The following DNAJC21 variants were observed in gnomAD, a reference collection of about 807,000 sequenced individuals.
DNAJC21 encodes the protein DnaJ heat shock protein family (Hsp40) member C21.
DNAJC21 carries 63 observed loss-of-function variants against 72.4 expected under a neutral mutation model. That is an observed-to-expected ratio of 0.87 (90% CI 0.71 to 1.07). The LOEUF is 1.07. Ranked by LOEUF, DNAJC21 falls within the 50% of genes least tolerant of loss-of-function variation. The pLI is 0.00. For missense variants in DNAJC21, 634 were observed against 644.8 expected (o/e 0.98, Z 0.18); for synonymous variants, 203 against 216.7 (o/e 0.94, Z 0.56).
intron 10 of DNAJC21, 191 bp downstream of exon 10, chr5:34,950,533 G>A: frequency 8.0e-7 from 1 of 1,243,968 alleles, no homozygotes; most frequent in Non-Finnish European, 1.0e-6. Context: ...GATGCTAGAG[G>A]AATGTGCCCA....
intron 9 of DNAJC21, among the ~76,000 whole-genome samples, chr5:34,949,174 A>G (rs891489430): frequency 3.3e-5 from 5 of 152,188 alleles, no homozygotes; most frequent in African/African-American, 1.2e-4. Context: ...AAACTTAATA[A>G]TATCACTGAA....
At chr5:34,941,623 G>A (rs1181218673) in intron 7 of DNAJC21, among the ~76,000 whole-genome samples, 26 of 134,692 alleles carry the variant, frequency 1.9e-4, no homozygotes, top group Non-Finnish European at 3.4e-4. Context: ...CTGGAGTGCA[G>A]TGGCACGATC....
chr5:34,948,862 CAAAAA>C (rs755582753), intron 9 of DNAJC21, among the ~76,000 whole-genome samples: 4 of 136,756 alleles, frequency 2.9e-5, no homozygotes, highest in African/African-American at 1.1e-4. Flanking sequence ...AAGACTGTCT[CAAAAA>C]AAAAAAAGTT....
rs1301107029 is a variant in DNAJC21 at position 34,956,051 on chromosome 5, TC to T, written c.*1338del. The T allele has an allele frequency of 1.2e-4, 7 of 56,430 alleles. No individual in the cohort carries two copies. Among genetic ancestry groups the T allele is most frequent in the East Asian group, 5.1e-4 (1 of 1,972 alleles). The allele number at this position is 56,430 out of a possible 1,614,324, so 3.5% of individuals were successfully genotyped here. On this transcript the variant is annotated 3_prime_UTR_variant, in exon 12 of 12. Transcript: ENST00000648817. Reference sequence around the variant, plus strand: ...CTGGGCGACAGAGCGAGACTCCGTCTCAAAAAAAAAAAAAAAAAAAAAAAGA... The same window carrying T: ...CTGGGCGACAGAGCGAGACTCCGTCTAAAAAAAAAAAAAAAAAAAAAAAGA...
intron 10 of DNAJC21, chr5:34,950,993 C>T (rs1765345964): frequency 2.0e-6 from 2 of 985,278 alleles, no homozygotes; most frequent in Non-Finnish European, 2.4e-6. Flanking sequence ...AAGTTTCTGT[C>T]ATTACAGAAC....
At chr5:34,951,076 T>G in intron 10 of DNAJC21, 2 of 985,254 alleles carry the variant, frequency 2.0e-6, no homozygotes, top group Non-Finnish European at 2.4e-6. Flanking sequence ...GCAACAGTGA[T>G]GGGGTGGGGA....
intron 2 of DNAJC21, 44 bp downstream of exon 2, chr5:34,933,952 G>T: frequency 1.9e-6 from 3 of 1,578,406 alleles, no homozygotes; most frequent in South Asian, 2.3e-5. Flanking sequence ...ATGATGTTGG[G>T]AGCAGTTATC....
intron 4 of DNAJC21, 67 bp from the exon 5 acceptor site, chr5:34,937,258 TA>T: frequency 6.8e-7 from 1 of 1,479,418 alleles, no homozygotes; most frequent in Non-Finnish European, 9.1e-7. Flanking sequence ...TTCGCATCAG[TA>T]ATATTTACTG....
At chr5:34,951,681 C>T in intron 10 of DNAJC21, 1 of 763,806 alleles carries the variant, frequency 1.3e-6, no homozygotes, top group Non-Finnish European at 1.6e-6. Flanking sequence ...GCATGCACTG[C>T]CACGCCTGGC....
At chr5:34,941,250 T>G (rs955410078) in intron 7 of DNAJC21, 67 bp downstream of exon 7, 3 of 1,429,986 alleles carry the variant, frequency 2.1e-6, no homozygotes, top group African/African-American at 2.8e-5. Flanking sequence ...AAGGCAGGAG[T>G]GCAGTGGCAC....
chr5:34,941,339 A>G (rs1764983227), intron 7 of DNAJC21, among the ~76,000 whole-genome samples, 156 bp downstream of exon 7: 1 of 152,164 alleles, frequency 6.6e-6, no homozygotes, highest in African/African-American at 2.4e-5. Context: ...CTAGGGCTAC[A>G]GGAACCTGCC....
intron 9 of DNAJC21, chr5:34,949,743 T>C (rs1306538421): frequency 6.2e-7 from 1 of 1,601,392 alleles, no homozygotes; most frequent in African/African-American, 1.3e-5. Flanking sequence ...TGCCATTGTT[T>C]GTGACTGTAG....
At position 34,937,593 on chromosome 5, in the gene DNAJC21, G is replaced by A. The variant is rs758392850; in HGVS notation, c.706G>A (p.Glu236Lys). 15 of 1,613,482 alleles carry A rather than the reference G, an allele frequency of 9.3e-6. No homozygotes were observed. The highest frequency in any genetic ancestry group is 2.7e-5 in the African/African-American group (2 of 74,894). The part of the protein sequence containing the change: ...EQNAEKARKA[E>K]EMRRQQKLKQ... ...GAATGCAGAGAAGGCGAGGAAAGCC[G>A]AAGAGATGAGGCGGCAGCAGAAGCT... Residue 236 changes from glutamate (E) to lysine (K), a missense_variant, in exon 5 of 12, where the codon GAA becomes AAA. Transcript: ENST00000648817.
At chr5:34,951,306 G>A in intron 10 of DNAJC21, 2 of 985,348 alleles carry the variant, frequency 2.0e-6, no homozygotes, top group South Asian at 9.4e-5. Context: ...TTCTACAAAT[G>A]GGGAAACTGA....
Position 34,955,821 on chromosome 5 carries a change from A to G in DNAJC21, c.*1107A>G, listed in dbSNP as rs1765516468. ...GTAATCCCAGCACTTTGGGAGGCCG[A>G]GGCGGGCGGATCACGAGGTCAGGAG... is the stretch of plus-strand genomic sequence containing the variant. On this transcript the variant is annotated 3_prime_UTR_variant, in exon 12 of 12. Coordinates refer to ENST00000648817, the MANE Select transcript of DNAJC21 (RefSeq NM_001012339.3). 1 of 151,642 alleles carries G rather than the reference A, an allele frequency of 6.6e-6. No individual in the cohort carries two copies. The highest frequency in any genetic ancestry group is 1.5e-5 in the Non-Finnish European group (1 of 67,904). 9.4% of individuals were successfully genotyped at this position (151,642 alleles called of 1,614,324 possible).
intron 7 of DNAJC21, 107 bp from the exon 8 acceptor site, chr5:34,944,760 T>C: frequency 2.8e-6 from 4 of 1,443,844 alleles, no homozygotes. Context: ...AACGTTTTGC[T>C]TAGTGGGAAA....
intron 5 of DNAJC21, 141 bp downstream of exon 5, chr5:34,937,771 G>A: frequency 1.9e-6 from 2 of 1,038,806 alleles, no homozygotes; most frequent in South Asian, 3.6e-5. Context: ...TTGTGGCATT[G>A]GATAGTGTTT....
At chr5:34,949,623 A>G (rs766094981) in intron 9 of DNAJC21, 1 of 1,606,536 alleles carries the variant, frequency 6.2e-7, no homozygotes, top group Non-Finnish European at 8.5e-7. Context: ...TGGGAGAGAG[A>G]AGAGATGGAG....
chr5:34,933,155 C>A (rs1030888934), intron 1 of DNAJC21, among the ~76,000 whole-genome samples: 9 of 152,346 alleles, frequency 5.9e-5, no homozygotes, highest in African/African-American at 2.2e-4. Flanking sequence ...CAGCACTAAA[C>A]ATAATCTAGT....
Sources: allele counts gnomAD v4.1 joint callset (sites outside exome capture counted in the v4.1 genomes callset), GRCh38; gene constraint gnomAD v4.1.1; transcripts MANE v1.5; gene names NCBI Gene and HGNC (gene_info 2026-07-23, HGNC 2026-07-21).